Variants in KLF12 observed in about 807,000 individuals in gnomAD.
KLF12 encodes KLF transcription factor 12.
Under a neutral mutation model 37.8 loss-of-function variants are expected in KLF12, and 9 were observed. That is an observed-to-expected ratio of 0.24 (90% CI 0.14 to 0.42). The LOEUF (loss-of-function observed/expected upper bound fraction) is 0.42, where lower values mean the gene tolerates loss of function less well. KLF12 is among the 10% of genes least tolerant of loss of function. The probability of loss-of-function intolerance (pLI) is 1.00; values close to 1 mark genes in which losing one functional copy is unlikely to be tolerated. For synonymous variants in KLF12, 208 were observed against 202.1 expected (o/e 1.03, Z -0.25); for missense variants, 411 against 516.0 (o/e 0.80, Z 1.97).
the KLF12 span, among the ~76,000 whole-genome samples, chr13:74,226,235 G>A: frequency 1.3e-5 from 2 of 152,138 alleles, no homozygotes; most frequent in African/African-American, 4.8e-5. Flanking sequence ...AGAAAAGACA[G>A]TGACTTGGGA....
In KLF12 at chr13:74,042,266, T is replaced by G. The variant is rs1301322499; in HGVS notation, c.-31-47213A>C. On this transcript the variant is annotated intron_variant, in intron 1 of 7. Coordinates refer to ENST00000377669, the MANE Select transcript of KLF12 (RefSeq NM_007249.5). Reference sequence around the variant, plus strand: ...TTGCAGTGAGCTGAGATAGCACCACTGCACTCCAGCCTGGGTGACAAAGCG... The same window carrying G: ...TTGCAGTGAGCTGAGATAGCACCACGGCACTCCAGCCTGGGTGACAAAGCG... 2.1e-5 allele frequency among the ~76,000 whole-genome samples: 3 copies of G among 144,908 alleles called. No homozygotes were observed. In the East Asian group the frequency reaches 6.1e-4, roughly 29 times the overall value.
rs376606853 is a variant in KLF12, at chr13:73,789,673, CTT to C, written c.806+23477_806+23478del. On this transcript the variant is annotated intron_variant, in intron 5 of 7. Coordinates refer to ENST00000377669, the MANE Select transcript of KLF12 (RefSeq NM_007249.5). ...TAGTCCCAAATACACTATCTCTAAT[CTT>C]TTTTTTTTTTTTTTTCTTTGAGACA... Among the ~76,000 whole-genome samples, 972 of 141,736 alleles carry C rather than the reference CTT, an allele frequency of 6.9e-3. 6 individuals carry two copies. The highest frequency in any genetic ancestry group is 0.013 in the African/African-American group (512 of 38,520). 93.0% of individuals were successfully genotyped at this position (141,736 alleles called of 152,430 possible).
At chr13:73,764,854 G>A in intron 6 of KLF12, 84 bp downstream of exon 6, 1 of 769,366 alleles carries the variant, frequency 1.3e-6, no homozygotes, top group Non-Finnish European at 2.3e-6. Context: ...TAGAGAAGTA[G>A]GACTAATTCT....
intron 5 of KLF12, among the ~76,000 whole-genome samples, chr13:73,808,868 A>G (rs972337185): frequency 6.6e-6 from 1 of 152,222 alleles, no homozygotes; most frequent in Non-Finnish European, 1.5e-5. Flanking sequence ...AGAGGCCTAC[A>G]GCAGAAAGGC....
At chr13:73,957,672 C>A (rs1890886696) in intron 2 of KLF12, among the ~76,000 whole-genome samples, 1 of 152,048 alleles carries the variant, frequency 6.6e-6, no homozygotes, top group Non-Finnish European at 1.5e-5. Flanking sequence ...GTATCAAGAA[C>A]AAAATATTTC....
intron 5 of KLF12, among the ~76,000 whole-genome samples, chr13:73,771,833 A>C (rs1880290798): frequency 6.6e-6 from 1 of 152,250 alleles, no homozygotes; most frequent in Non-Finnish European, 1.5e-5. Flanking sequence ...TTCCAGGAGG[A>C]AGAGACTTTT....
chr13:74,083,460 T>C (rs1458951495), intron 1 of KLF12, among the ~76,000 whole-genome samples: 1 of 147,738 alleles, frequency 6.8e-6, no homozygotes, highest in African/African-American at 2.5e-5. Flanking sequence ...TGAACCGTGA[T>C]TGTGCCATTG....
intron 6 of KLF12, among the ~76,000 whole-genome samples, chr13:73,736,597 T>G (rs1877480933): frequency 6.6e-6 from 1 of 152,236 alleles, no homozygotes; most frequent in Admixed American, 6.5e-5. Flanking sequence ...GGAACTTTAA[T>G]GTATCACCAA....
In KLF12 at chr13:73,813,188, C is replaced by G; in HGVS notation, c.770G>C (p.Gly257Ala). 1 of 1,613,988 alleles carries G rather than the reference C, an allele frequency of 6.2e-7. No individual in the cohort carries two copies. The highest frequency in any genetic ancestry group is 8.5e-7 in the Non-Finnish European group (1 of 1,179,942). ...TCTGGCTATGGAAAGGGCCGTAGAT[C>G]CAGTTTCATTAACGCTATCTAAGGT... The change falls in exon 5 of 8, where the codon GGA becomes GCA. Residue 257 changes from glycine to alanine, a missense_variant. Coordinates refer to ENST00000377669, the MANE Select transcript of KLF12 (RefSeq NM_007249.5).
chr13:74,194,157 A>T, the KLF12 span, among the ~76,000 whole-genome samples: 1 of 152,140 alleles, frequency 6.6e-6, no homozygotes, highest in African/African-American at 2.4e-5. Context: ...GATATATAAC[A>T]CTTCTCTGTG....
chr13:73,884,213 T>C (rs1594210138), intron 3 of KLF12, among the ~76,000 whole-genome samples: 1 of 152,290 alleles, frequency 6.6e-6, no homozygotes, highest in African/African-American at 2.4e-5. Flanking sequence ...AATGTGTTGT[T>C]TGTCTAAAAT....
chr13:73,742,830 G>A (rs1449758686), intron 6 of KLF12, among the ~76,000 whole-genome samples: 1 of 152,128 alleles, frequency 6.6e-6, no homozygotes, highest in Non-Finnish European at 1.5e-5. Context: ...TTTCAAATGA[G>A]AGCTCAGGTT....
intron 5 of KLF12, among the ~76,000 whole-genome samples, chr13:73,769,409 C>T (rs1379185235): frequency 2.0e-5 from 3 of 152,204 alleles, no homozygotes; most frequent in Non-Finnish European, 2.9e-5. Flanking sequence ...AGCTTCTTTA[C>T]TCAGCAGCCA....
At chr13:74,002,318 A>T (rs1214409327) in intron 1 of KLF12, among the ~76,000 whole-genome samples, 1 of 152,204 alleles carries the variant, frequency 6.6e-6, no homozygotes, top group African/African-American at 2.4e-5. Context: ...AATCCCAGAA[A>T]ATAAAAGTAA....
At chr13:73,751,665 G>A (rs1013215197) in intron 6 of KLF12, among the ~76,000 whole-genome samples, 1 of 152,160 alleles carries the variant, frequency 6.6e-6, no homozygotes, top group Non-Finnish European at 1.5e-5. Context: ...CTGAGGTTAG[G>A]GAATATGAAC....
chr13:73,764,477 TAA>T (rs34174554), intron 6 of KLF12, among the ~76,000 whole-genome samples: 70,884 of 148,394 alleles, frequency 0.48, 17,610 homozygotes, highest in Middle Eastern at 0.59. Context: ...CTCCCCAAAT[TAA>T]AAAAAAAAAA....
intron 1 of KLF12, among the ~76,000 whole-genome samples, chr13:74,049,354 C>G (rs755064778): frequency 2.6e-5 from 4 of 152,164 alleles, no homozygotes; most frequent in Non-Finnish European, 5.9e-5. Flanking sequence ...CTAATTAGCC[C>G]TAGACTCAAG....
Position 73,905,871 on chromosome 13 carries a change from GAT to G in KLF12, c.123+38108_123+38109del, listed in dbSNP as rs142147821. 4.7e-3 allele frequency among the ~76,000 whole-genome samples: 713 copies of G among 152,124 alleles called. 10 individuals are homozygous for G. Among genetic ancestry groups the G allele is most frequent in the African/African-American group, 0.017 (685 of 41,496 alleles). On this transcript the variant is annotated intron_variant, in intron 3 of 7. Coordinates refer to ENST00000377669, the MANE Select transcript of KLF12 (RefSeq NM_007249.5). Reference sequence around the variant, plus strand: ...TAATTAACCTATCTAAAACCAAACAGATATCTTTTCCTCAAATTACTTCATTT... The same window carrying G: ...TAATTAACCTATCTAAAACCAAACAGATCTTTTCCTCAAATTACTTCATTT...
the KLF12 span, among the ~76,000 whole-genome samples, chr13:74,293,395 C>G: frequency 8.0e-3 from 1,213 of 152,096 alleles, 15 homozygotes; most frequent in African/African-American, 0.027. Flanking sequence ...AATCGAGGGA[C>G]TGAAAAAATG....
Sources: gnomAD v4.1 joint callset for allele counts (sites outside exome capture counted in the v4.1 genomes callset) on GRCh38, gnomAD v4.1.1 for gene constraint, MANE v1.5 for transcripts, NCBI Gene and HGNC (gene_info 2026-07-23, HGNC 2026-07-21) for gene names.